Variants in SASH1 observed in about 807,000 individuals in gnomAD.
The protein encoded by SASH1 is SAM and SH3 domain-containing protein 1.
In SASH1, 44 loss-of-function variants were observed where a neutral mutation model predicts 125.2. The observed-to-expected ratio is 0.35, with a 90% CI of 0.28 to 0.45. The LOEUF is 0.45. Among genes scored for constraint, SASH1 ranks in the 20% least tolerant of loss-of-function variants. The probability of loss-of-function intolerance (pLI) is 1.00; values close to 1 mark genes in which losing one functional copy is unlikely to be tolerated. For synonymous variants in SASH1, 639 were observed against 649.1 expected (o/e 0.98, Z 0.24); for missense variants, 1,426 against 1,614.5 (o/e 0.88, Z 2.00).
chr6:148,213,436 T>C, the SASH1 span, among the ~76,000 whole-genome samples: 1 of 152,014 alleles, frequency 6.6e-6, no homozygotes, highest in African/African-American at 2.4e-5. Flanking sequence ...TCAAGATTAT[T>C]TCAATTAATA....
At chr6:148,319,296 A>C (rs534845755) in intron 1 of SASH1, among the ~76,000 whole-genome samples, 2 of 151,740 alleles carry the variant, frequency 1.3e-5, no homozygotes, top group East Asian at 3.9e-4. Flanking sequence ...CTGCCTCCCA[A>C]AGTGCTGGGA....
intron 1 of SASH1, among the ~76,000 whole-genome samples, chr6:148,319,258 A>G (rs138755257): frequency 0.012 from 1,783 of 150,968 alleles, 97 homozygotes; most frequent in Admixed American, 0.095. Flanking sequence ...GATGGTCTTG[A>G]TCTCCTGACC....
chr6:148,240,195 C>A, the SASH1 span: 2 of 150,780 alleles, frequency 1.3e-5, no homozygotes, highest in South Asian at 4.2e-4. Context: ...ACCAGTGCCT[C>A]ACTGGGGAAA....
chr6:148,537,776 C>G (rs1018801947), intron 16 of SASH1, among the ~76,000 whole-genome samples: 152 of 125,690 alleles, frequency 1.2e-3, no homozygotes, highest in African/African-American at 4.2e-3. Flanking sequence ...TTAGCATATT[C>G]TGTGTGTGTG....
At chr6:148,399,657 G>T (rs909218769) in intron 2 of SASH1, among the ~76,000 whole-genome samples, 1 of 152,208 alleles carries the variant, frequency 6.6e-6, no homozygotes, top group Admixed American at 6.5e-5. Flanking sequence ...TCTGAGCTTT[G>T]TTGTTTCCAT....
intron 1 of SASH1, among the ~76,000 whole-genome samples, chr6:148,295,063 TTC>T (rs943332313): frequency 5.9e-5 from 9 of 151,650 alleles, no homozygotes; most frequent in Non-Finnish European, 8.8e-5. Context: ...TTCTTTCTCG[TTC>T]TCTCTCTCTC....
intron 10 of SASH1, chr6:148,520,136 C>T: frequency 1.9e-6 from 1 of 514,136 alleles, no homozygotes; most frequent in Non-Finnish European, 3.5e-6. Flanking sequence ...GCTTCCCCGG[C>T]AGGAGGGTGC....
chr6:148,462,229 A>G (rs1777644612), intron 4 of SASH1, among the ~76,000 whole-genome samples: 1 of 152,196 alleles, frequency 6.6e-6, no homozygotes, highest in African/African-American at 2.4e-5. Context: ...CAGGTTTTCC[A>G]GTAACATATA....
chr6:148,269,908 G>T (rs1455845597), upstream of SASH1, among the ~76,000 whole-genome samples: 1 of 152,154 alleles, frequency 6.6e-6, no homozygotes, highest in African/African-American at 2.4e-5. Context: ...GGACTTTACT[G>T]GTATTTGGCA....
chr6:148,486,792 G>A (rs1298152817), intron 7 of SASH1, among the ~76,000 whole-genome samples: 1 of 148,114 alleles, frequency 6.8e-6, no homozygotes, highest in Non-Finnish European at 1.5e-5. Flanking sequence ...GGGCATGGTG[G>A]TGCATGCCTG....
chr6:148,466,579 T>C (rs929624233), intron 4 of SASH1, among the ~76,000 whole-genome samples: 2 of 152,172 alleles, frequency 1.3e-5, no homozygotes, highest in African/African-American at 4.8e-5. Flanking sequence ...TTCCTCTGAA[T>C]GAGACAGAGT....
At chr6:148,530,969 G>GA (rs894577360) in intron 12 of SASH1, among the ~76,000 whole-genome samples, 3 of 152,174 alleles carry the variant, frequency 2.0e-5, no homozygotes, top group African/African-American at 7.2e-5. Context: ...TGGTAGACTG[G>GA]AAAATAGTAT....
the SASH1 span, among the ~76,000 whole-genome samples, chr6:148,245,909 A>C: frequency 6.6e-6 from 1 of 151,970 alleles, no homozygotes; most frequent in Non-Finnish European, 1.5e-5. Flanking sequence ...GAATGGCGTG[A>C]ACCCGGGAGA....
chr6:148,359,879 C>G (rs1299760519), intron 1 of SASH1, among the ~76,000 whole-genome samples: 1 of 152,174 alleles, frequency 6.6e-6, no homozygotes, highest in African/African-American at 2.4e-5. Flanking sequence ...CTGCCTCAGC[C>G]TCCTGAGTAG....
At chr6:148,310,665 A>G (rs908286045) in intron 1 of SASH1, among the ~76,000 whole-genome samples, 2 of 152,244 alleles carry the variant, frequency 1.3e-5, no homozygotes, top group African/African-American at 2.4e-5. Flanking sequence ...ATATATATTC[A>G]GTTATCTCAA....
At chr6:148,510,719 G>T (rs2115311530) in intron 8 of SASH1, among the ~76,000 whole-genome samples, 1 of 152,132 alleles carries the variant, frequency 6.6e-6, no homozygotes, top group South Asian at 2.1e-4. Context: ...ATGCTGGCCA[G>T]CCATGGTGGT....
At chr6:148,282,630 T>C (rs1346727696) in intron 1 of SASH1, among the ~76,000 whole-genome samples, 1 of 152,114 alleles carries the variant, frequency 6.6e-6, no homozygotes, top group Admixed American at 6.5e-5. Context: ...TCCCCCCGCC[T>C]CAGCCTCCCA....
Position 148,495,868 on chromosome 6 carries a change from T to C in SASH1, c.729+8153T>C, listed in dbSNP as rs889267388. ...ATTTATTTTTTGAGAAGGAGTCTCA[T>C]TCTGTCACCCAGGCTGGAGTGCAGT... is the stretch of plus-strand genomic sequence containing the variant. On this transcript the variant is annotated intron_variant, in intron 8 of 19. Coordinates refer to ENST00000367467, the MANE Select transcript of SASH1 (RefSeq NM_015278.5). The surrounding 1 kb of genome is among the most constrained non-coding windows in gnomAD (Gnocchi z 4.0). 6.6e-6 allele frequency among the ~76,000 whole-genome samples: 1 copy of C among 152,172 alleles called. No homozygotes were observed. Among genetic ancestry groups the C allele is most frequent in the African/African-American group, 2.4e-5 (1 of 41,448 alleles).
At chr6:148,261,570 C>A in the SASH1 span, among the ~76,000 whole-genome samples, 2 of 152,174 alleles carry the variant, frequency 1.3e-5, no homozygotes, top group African/African-American at 4.8e-5. Flanking sequence ...GTGGCGGACA[C>A]AAATTGCCTG....
Sources: gnomAD v4.1 joint callset for allele counts (sites outside exome capture counted in the v4.1 genomes callset) on GRCh38, gnomAD v4.1.1 for gene constraint, Gnocchi (gnomAD v3.1) non-coding constraint, MANE v1.5 for transcripts, NCBI Gene and HGNC (gene_info 2026-07-23, HGNC 2026-07-21) for gene names.